The following ENOX1 variants were observed in gnomAD, a reference collection of about 807,000 sequenced individuals.
ENOX1 encodes the protein ecto-NOX disulfide-thiol exchanger 1, also known as candidate growth-related and time keeping constitutive hydroquinone (NADH) oxidase.
ENOX1 carries 42 observed loss-of-function variants against 82.5 expected under a neutral mutation model. The ratio of observed to expected loss-of-function variants is 0.51; its 90% CI spans 0.40 to 0.66. The LOEUF (loss-of-function observed/expected upper bound fraction) is 0.66. ENOX1 is among the 30% of genes least tolerant of loss of function. ENOX1 has a pLI of 0.00. For missense variants in ENOX1, 608 were observed against 811.6 expected, an observed-to-expected ratio of 0.75 and a Z score of 3.05; for synonymous variants, 271 against 282.2, an observed-to-expected ratio of 0.96 and a Z score of 0.40.
rs114339623 is a variant in ENOX1, at chr13:43,535,473, C to G, written c.-218-51321G>C. On this transcript the variant is annotated intron_variant, in intron 2 of 16. Transcript: ENST00000690772. ...ACCCTGCCTTCCAGTACCTCTCCCC[C>G]CATCGTTAACTCAATACACTGTAGT... 2.4e-3 allele frequency among the ~76,000 whole-genome samples: 367 copies of G among 152,248 alleles called. 1 individual carries two copies. The highest frequency in any genetic ancestry group is 8.5e-3 in the African/African-American group (353 of 41,544).
At chr13:43,712,139 C>T (rs12868510) in intron 1 of ENOX1, among the ~76,000 whole-genome samples, 52,775 of 144,398 alleles carry the variant, frequency 0.37, 12,424 homozygotes, top group Non-Finnish European at 0.54. Flanking sequence ...TTTCTACATA[C>T]GGCTAGCCAG....
chr13:43,356,201 A>G (rs2281713), intron 7 of ENOX1, 49 bp from the exon 8 acceptor site: 1,318,347 of 1,565,334 alleles, frequency 0.84, 556,079 homozygotes, highest in South Asian at 0.94. Flanking sequence ...CAATGGCCAC[A>G]GTTTTGGTCC....
chr13:43,455,608 C>G (rs1422420856), intron 3 of ENOX1, among the ~76,000 whole-genome samples: 2 of 152,060 alleles, frequency 1.3e-5, no homozygotes, highest in Non-Finnish European at 2.9e-5. Context: ...CTATATTTCT[C>G]ACCTCCACCT....
chr13:43,340,958 C>T (rs2049017402), intron 9 of ENOX1, among the ~76,000 whole-genome samples: 2 of 152,152 alleles, frequency 1.3e-5, no homozygotes. Flanking sequence ...GCAGACATAT[C>T]ATGAAATCAC....
chr13:43,327,567 ACTTCTAAATTTTTAGTTAAGAAGG>A (rs1411291727), intron 9 of ENOX1, among the ~76,000 whole-genome samples: 1 of 152,164 alleles, frequency 6.6e-6, no homozygotes, highest in Non-Finnish European at 1.5e-5. Flanking sequence ...TTAAACCTGA[ACTTCTAAATTTTTAGTTAAGAAGG>A]CTCAGTTAAA....
chr13:43,657,718 A>T (rs1396757844), intron 2 of ENOX1, among the ~76,000 whole-genome samples: 2 of 152,198 alleles, frequency 1.3e-5, no homozygotes, highest in Non-Finnish European at 2.9e-5. Context: ...CAGCCCCAAA[A>T]ATTCTGTCTA....
At chr13:43,404,410 C>T (rs969215730) in intron 5 of ENOX1, among the ~76,000 whole-genome samples, 2 of 152,192 alleles carry the variant, frequency 1.3e-5, no homozygotes, top group African/African-American at 4.8e-5. Flanking sequence ...AGGACATTTT[C>T]TGCTTTTAGA....
At chr13:43,238,123 T>C (rs2042639076) in intron 14 of ENOX1, among the ~76,000 whole-genome samples, 1 of 152,164 alleles carries the variant, frequency 6.6e-6, no homozygotes. Context: ...GGCCTCAGGC[T>C]GATGGTAGGA....
At chr13:43,314,241 T>C (rs543449988) in intron 11 of ENOX1, among the ~76,000 whole-genome samples, 3 of 152,178 alleles carry the variant, frequency 2.0e-5, no homozygotes, top group Non-Finnish European at 4.4e-5. Flanking sequence ...CTCTAAGCCA[T>C]TTAGATGTGG....
intron 3 of ENOX1, among the ~76,000 whole-genome samples, chr13:43,423,942 T>C (rs2055132830): frequency 6.6e-6 from 1 of 152,138 alleles, no homozygotes; most frequent in Non-Finnish European, 1.5e-5. Flanking sequence ...TCAATTAAAA[T>C]GGCAAAGCTA....
intron 5 of ENOX1, among the ~76,000 whole-genome samples, chr13:43,388,925 C>A (rs1302597138): frequency 6.6e-6 from 1 of 152,116 alleles, no homozygotes; most frequent in East Asian, 1.9e-4. Context: ...AGAAAAAAAA[C>A]CACTGGTGCC....
At chr13:43,251,285 T>C (rs2043440127) in intron 14 of ENOX1, among the ~76,000 whole-genome samples, 1 of 152,258 alleles carries the variant, frequency 6.6e-6, no homozygotes, top group Non-Finnish European at 1.5e-5. Context: ...GATGTGTGTT[T>C]ATCTTCAAGA....
chr13:43,305,443 A>G lies in ENOX1; in HGVS notation c.1262-6913T>C, dbSNP rs573678482. On this transcript the variant is annotated intron_variant, in intron 11 of 16. Coordinates refer to ENST00000690772, the MANE Select transcript of ENOX1 (RefSeq NM_001347969.2). ...GAAGCACAATGCAGTGTCTATTTCC[A>G]TCTTTGTGTGAGGCCAGCGGAATAA... Among the ~76,000 whole-genome samples, 12 of 152,260 alleles carry G rather than the reference A, an allele frequency of 7.9e-5. No individual in the cohort carries two copies. In the East Asian group the frequency reaches 2.3e-3, roughly 29 times the overall value.
intron 3 of ENOX1, among the ~76,000 whole-genome samples, chr13:43,475,150 T>A (rs924970267): frequency 6.6e-6 from 1 of 152,216 alleles, no homozygotes; most frequent in African/African-American, 2.4e-5. Flanking sequence ...TGATGGCTAT[T>A]GATAAATATC....
intron 1 of ENOX1, among the ~76,000 whole-genome samples, chr13:43,723,492 T>C (rs140823213): frequency 4.6e-5 from 7 of 152,302 alleles, no homozygotes; most frequent in Admixed American, 2.0e-4. Context: ...AAATTAAGAA[T>C]TGGAAGACAG....
intron 2 of ENOX1, among the ~76,000 whole-genome samples, chr13:43,596,208 A>C (rs1198669897): frequency 6.6e-6 from 1 of 152,224 alleles, no homozygotes; most frequent in African/African-American, 2.4e-5. Flanking sequence ...GATTTTAAAC[A>C]TCTGGGGACA....
chr13:43,247,862 TATATATATATA>T (rs2043197814), intron 14 of ENOX1, among the ~76,000 whole-genome samples: 38 of 3,472 alleles, frequency 0.011, 1 homozygote, highest in East Asian at 0.026. Flanking sequence ...TATATATATA[TATATATATATA>T]TATATATATA....
At chr13:43,710,624 A>C (rs2087626379) in intron 1 of ENOX1, among the ~76,000 whole-genome samples, 1 of 152,232 alleles carries the variant, frequency 6.6e-6, no homozygotes, top group South Asian at 2.1e-4. Context: ...AGTGATGAAC[A>C]TAAAATGTGT....
intron 2 of ENOX1, among the ~76,000 whole-genome samples, chr13:43,514,486 G>A (rs1176391883): frequency 6.6e-6 from 1 of 152,042 alleles, no homozygotes; most frequent in Non-Finnish European, 1.5e-5. Context: ...AAACACATCA[G>A]TTGAGCTGGG....
Sources: allele counts gnomAD v4.1 joint callset (sites outside exome capture counted in the v4.1 genomes callset), GRCh38; gene constraint gnomAD v4.1.1; transcripts MANE v1.5; gene names NCBI Gene and HGNC (gene_info 2026-07-23, HGNC 2026-07-21).